Variants in TSPEAR observed in about 807,000 individuals in gnomAD.
TSPEAR encodes the protein thrombospondin-type laminin G domain and EAR repeat-containing protein.
TSPEAR carries 69 observed loss-of-function variants against 71.6 expected under a neutral mutation model. The observed-to-expected ratio is 0.96, with a 90% CI of 0.79 to 1.18. TSPEAR has a LOEUF of 1.18. Ranked by LOEUF, TSPEAR falls within the 50% of genes most tolerant of loss-of-function variation. The probability of loss-of-function intolerance (pLI) is 0.00; values close to 1 mark genes in which losing one functional copy is unlikely to be tolerated. For missense variants in TSPEAR, 971 were observed against 894.9 expected (o/e 1.09, Z -1.09); for synonymous variants, 402 against 387.2 (o/e 1.04, Z -0.45).
intron 1 of TSPEAR, among the ~76,000 whole-genome samples, chr21:44,667,410 C>A (rs1406092562): frequency 6.6e-6 from 1 of 152,198 alleles, no homozygotes; most frequent in Non-Finnish European, 1.5e-5. Context: ...ACATGGAAAT[C>A]ACTTGTCCAT....
intron 2 of TSPEAR, among the ~76,000 whole-genome samples, chr21:44,545,711 T>C (rs1278893261): frequency 6.6e-6 from 1 of 151,746 alleles, no homozygotes; most frequent in Non-Finnish European, 1.5e-5. Flanking sequence ...TTGAGATGAA[T>C]AAAAAAGAAA....
In TSPEAR at chr21:44,697,817, G is replaced by T. The variant is rs374493028; in HGVS notation, c.82+13616C>A. The T allele has an allele frequency of 2.5e-5, 40 of 1,613,198 alleles. No individual in the cohort carries two copies. The Middle Eastern group carries it at 5.0e-4, about 20-fold the overall frequency. On this transcript the variant is annotated intron_variant, in intron 1 of 11. Coordinates refer to ENST00000323084, the MANE Select transcript of TSPEAR (RefSeq NM_144991.3). The stretch of plus-strand genomic sequence containing the variant: ...CCTCTGCCGCCCTGTGTGCAGACCC[G>T]CCCGCCGCGTGCCCGTCCCCTCCTG...
intron 1 of TSPEAR, among the ~76,000 whole-genome samples, chr21:44,653,430 C>T (rs1984933649): frequency 6.6e-6 from 1 of 152,136 alleles, no homozygotes; most frequent in South Asian, 2.1e-4. Flanking sequence ...AAACACGGAG[C>T]CGGAATCTCT....
chr21:44,622,295 CGCAAGG>C lies in TSPEAR; in HGVS notation c.83-54296_83-54291del, dbSNP rs1569224590. ...CCCATCTCATTTTGGTTTTTGCTTA[CGCAAGG>C]AATCTACTCCCTTTTATCTCCTTGC... On this transcript the variant is annotated intron_variant, in intron 1 of 11. Coordinates refer to ENST00000323084, the MANE Select transcript of TSPEAR (RefSeq NM_144991.3). Among the ~76,000 whole-genome samples, 120 of 152,316 alleles carry C rather than the reference CGCAAGG, an allele frequency of 7.9e-4. 2 individuals carry two copies. The South Asian group carries it at 0.024, about 31-fold the overall frequency.
intron 1 of TSPEAR, among the ~76,000 whole-genome samples, chr21:44,629,367 G>A (rs1215255715): frequency 6.6e-6 from 1 of 152,178 alleles, no homozygotes; most frequent in Admixed American, 6.5e-5. Context: ...GGCAGGGCTG[G>A]TTCCCGAAGA....
rs587607750 is a variant in TSPEAR at position 44,611,033 on chromosome 21, G to T, written c.83-43028C>A. On this transcript the variant is annotated intron_variant, in intron 1 of 11. Coordinates refer to ENST00000323084, the MANE Select transcript of TSPEAR (RefSeq NM_144991.3). ...TCTAGGAAGAAACTAGCTTGTTTTT[G>T]ATTTTACAGGCTCATAGGTGGAAGA... Among the ~76,000 whole-genome samples, 4 of 152,282 alleles carry T rather than the reference G, an allele frequency of 2.6e-5. No homozygotes were observed. In the East Asian group the frequency reaches 7.7e-4, roughly 29 times the overall value.
chr21:44,586,005 G>C (rs464281), intron 1 of TSPEAR, among the ~76,000 whole-genome samples: 143,961 of 152,314 alleles, frequency 0.95, 68,180 homozygotes, highest in Non-Finnish European at 0.97. Flanking sequence ...GCTGAGTACA[G>C]GGGCTTTGGT....
At chr21:44,504,484 CG>C (rs587714139) in intron 11 of TSPEAR, among the ~76,000 whole-genome samples, 2 of 136,048 alleles carry the variant, frequency 1.5e-5, no homozygotes, top group East Asian at 4.6e-4. Flanking sequence ...AGGCCGGCCT[CG>C]GTGAGCCCAC....
At chr21:44,625,215 C>T (rs1982688162) in intron 1 of TSPEAR, among the ~76,000 whole-genome samples, 1 of 152,202 alleles carries the variant, frequency 6.6e-6, no homozygotes, top group East Asian at 1.9e-4. Flanking sequence ...ACACTTCCTG[C>T]CCACATGAAG....
At chr21:44,599,134 T>TCTCTCTCTCTC (rs1980573681) in intron 1 of TSPEAR, among the ~76,000 whole-genome samples, 18 of 92,278 alleles carry the variant, frequency 2.0e-4, no homozygotes, top group African/African-American at 3.6e-4. Context: ...GGCCCCCATT[T>TCTCTCTCTCTC]TCTCTCTCTC....
At chr21:44,617,556 T>C (rs1982183046) in intron 1 of TSPEAR, among the ~76,000 whole-genome samples, 2 of 152,222 alleles carry the variant, frequency 1.3e-5, no homozygotes. Flanking sequence ...AACAGATTCC[T>C]AGAAATACAA....
intron 1 of TSPEAR, among the ~76,000 whole-genome samples, chr21:44,597,437 C>CTTTTTTTTTTTTTT (rs56129761): frequency 1.7e-5 from 2 of 119,224 alleles, no homozygotes; most frequent in African/African-American, 3.4e-5. Flanking sequence ...TCTTTCTTTT[C>CTTTTTTTTTTTTTT]TTTTTTTTTT....
At chr21:44,640,494 C>A (rs1450565971) in intron 1 of TSPEAR, among the ~76,000 whole-genome samples, 1 of 152,176 alleles carries the variant, frequency 6.6e-6, no homozygotes, top group Non-Finnish European at 1.5e-5. Flanking sequence ...ATATTAAAAA[C>A]CAGTGGATTG....
chr21:44,612,815 T>C lies in TSPEAR; in HGVS notation c.83-44810A>G, dbSNP rs1407682401. 6.2e-7 allele frequency: 1 copy of C among 1,612,942 alleles called. No homozygotes were observed. The highest frequency in any genetic ancestry group is 8.5e-7 in the Non-Finnish European group (1 of 1,179,806). On this transcript the variant is annotated intron_variant, in intron 1 of 11. Coordinates refer to ENST00000323084, the MANE Select transcript of TSPEAR (RefSeq NM_144991.3). The surrounding 1 kb of genome is among the most constrained non-coding windows in gnomAD (Gnocchi z 4.1). Reference sequence around the variant, plus strand: ...CCCTGCCTCCTCCTGCCAGCCCAGCTGCTGCCACCCGGCCTCCTGCCTGTC... The same window carrying C: ...CCCTGCCTCCTCCTGCCAGCCCAGCCGCTGCCACCCGGCCTCCTGCCTGTC...
At chr21:44,524,346 A>T (rs1371055979) in intron 8 of TSPEAR, among the ~76,000 whole-genome samples, 1 of 151,378 alleles carries the variant, frequency 6.6e-6, no homozygotes, top group African/African-American at 2.4e-5. Context: ...AAGTCAGTTA[A>T]TGAGTTAGCC....
intron 1 of TSPEAR, chr21:44,677,102 C>T: frequency 1.4e-6 from 1 of 718,660 alleles, no homozygotes; most frequent in Non-Finnish European, 2.6e-6. Context: ...AATTGAGCTG[C>T]TTGGACCTTT....
At chr21:44,554,192 C>T (rs2053490175) in intron 2 of TSPEAR, among the ~76,000 whole-genome samples, 1 of 152,088 alleles carries the variant, frequency 6.6e-6, no homozygotes, top group Non-Finnish European at 1.5e-5. Flanking sequence ...GGATTTGTGC[C>T]CTTTAAAGAA....
intron 1 of TSPEAR, among the ~76,000 whole-genome samples, chr21:44,648,221 G>A (rs1202735142): frequency 3.9e-5 from 6 of 152,258 alleles, no homozygotes; most frequent in Non-Finnish European, 8.8e-5. Context: ...ACACCTTATC[G>A]ATGAACCCTT....
chr21:44,528,566 T>TC lies in TSPEAR; in HGVS notation c.807dup (p.Thr270AspfsTer19), dbSNP rs782762002. ...GTACACGGTGGCTGGGGTCCCAGCGTCACTCGAATGTTGGTTTCTGAGGGG... is the reference window on the plus strand; with the variant it reads ...GTACACGGTGGCTGGGGTCCCAGCGTCCACTCGAATGTTGGTTTCTGAGGGG... On this transcript the variant is annotated frameshift_variant, in exon 6 of 12. Transcript: ENST00000323084. LOFTEE classifies it high-confidence loss of function. 11 of 1,613,910 alleles carry TC rather than the reference T, an allele frequency of 6.8e-6. No homozygotes were observed. The highest frequency in any genetic ancestry group is 9.3e-6 in the Non-Finnish European group (11 of 1,179,948).
Sources: gnomAD v4.1 joint callset for allele counts (sites outside exome capture counted in the v4.1 genomes callset) on GRCh38, gnomAD v4.1.1 for gene constraint, Gnocchi (gnomAD v3.1) non-coding constraint, MANE v1.5 for transcripts, NCBI Gene and HGNC (gene_info 2026-07-23, HGNC 2026-07-21) for gene names.